The following EFNA5 variants were observed in gnomAD, a reference collection of about 807,000 sequenced individuals.
The protein encoded by EFNA5 is ephrin-A5.
Under a neutral mutation model 22.9 loss-of-function variants are expected in EFNA5, and 5 were observed. That is an observed-to-expected ratio of 0.22 (90% confidence interval 0.11 to 0.46). The LOEUF is 0.46. EFNA5 is among the 20% of genes least tolerant of loss of function. EFNA5 has a pLI of 0.99. For missense variants in EFNA5, 237 were observed against 293.3 expected, an observed-to-expected ratio of 0.81 and a Z score of 1.40; for synonymous variants, 113 against 112.2, an observed-to-expected ratio of 1.01 and a Z score of -0.04.
At chr5:107,616,939 G>A (rs1749929196) in intron 1 of EFNA5, among the ~76,000 whole-genome samples, 1 of 151,984 alleles carries the variant, frequency 6.6e-6, no homozygotes, top group East Asian at 1.9e-4. Flanking sequence ...CCAATCAGGG[G>A]ATCAATTTCT....
chr5:107,402,716 T>C (rs996933949), intron 2 of EFNA5, among the ~76,000 whole-genome samples: 1 of 152,200 alleles, frequency 6.6e-6, no homozygotes, highest in Admixed American at 6.5e-5. Flanking sequence ...ACATTTATTA[T>C]ACTGATACAT....
intron 1 of EFNA5, among the ~76,000 whole-genome samples, chr5:107,535,424 G>A (rs1279643692): frequency 6.6e-6 from 1 of 151,942 alleles, no homozygotes; most frequent in East Asian, 1.9e-4. Flanking sequence ...CCTTTACTAA[G>A]ACTATGATGA....
chr5:107,651,829 A>G (rs1295757704), intron 1 of EFNA5, among the ~76,000 whole-genome samples: 1 of 152,178 alleles, frequency 6.6e-6, no homozygotes, highest in Admixed American at 6.5e-5. Flanking sequence ...CCTAATTTGA[A>G]GATCTTCAAC....
chr5:107,645,902 A>G (rs1750625747), intron 1 of EFNA5, among the ~76,000 whole-genome samples: 1 of 152,230 alleles, frequency 6.6e-6, no homozygotes. Flanking sequence ...TGAAGCCGTC[A>G]CCTGTTTTGC....
chr5:107,456,657 C>T lies in EFNA5; in HGVS notation c.126-29148G>A, dbSNP rs79767349. On this transcript the variant is annotated intron_variant, in intron 1 of 4. Coordinates refer to ENST00000333274, the MANE Select transcript of EFNA5 (RefSeq NM_001962.3). The stretch of plus-strand genomic sequence containing the variant: ...ATGTCTCTACACTAGTTGAACAAAC[C>T]ACACTTGTCCCAGCAAATCATCTGG... Among the ~76,000 whole-genome samples, 974 of 152,234 alleles carry T rather than the reference C, an allele frequency of 6.4e-3. 11 individuals are homozygous for T. The highest frequency in any genetic ancestry group is 0.023 in the African/African-American group (938 of 41,552).
intron 2 of EFNA5, 145 bp downstream of exon 2, chr5:107,427,072 G>T (rs1580444191): frequency 9.7e-6 from 8 of 826,958 alleles, no homozygotes; most frequent in East Asian, 2.7e-5. Context: ...CCCAGCTAAT[G>T]TATCTAGGGA....
chr5:107,414,143 T>C (rs1748445402), intron 2 of EFNA5, among the ~76,000 whole-genome samples: 1 of 152,172 alleles, frequency 6.6e-6, no homozygotes, highest in Non-Finnish European at 1.5e-5. Context: ...ATTCCTACAT[T>C]GCAACCTCAT....
At chr5:107,591,918 ATATATATAATATATAAT>A (rs1749347729) in intron 1 of EFNA5, among the ~76,000 whole-genome samples, 2 of 6,830 alleles carry the variant, frequency 2.9e-4, no homozygotes, top group Non-Finnish European at 3.8e-4. Context: ...TATAAAAAAT[ATATATATAATATATAAT>A]ATATATATTA....
At chr5:107,668,442 T>A (rs1157710898) in intron 1 of EFNA5, among the ~76,000 whole-genome samples, 1 of 151,982 alleles carries the variant, frequency 6.6e-6, no homozygotes, top group Non-Finnish European at 1.5e-5. Context: ...TAACCTAAGA[T>A]AAAATGTCCT....
chr5:107,400,005 T>C (rs1748043197), intron 2 of EFNA5, among the ~76,000 whole-genome samples: 1 of 152,208 alleles, frequency 6.6e-6, no homozygotes, highest in Non-Finnish European at 1.5e-5. Context: ...GTGTACAGTT[T>C]TGGAACATTT....
chr5:107,395,458 A>G (rs1387645220), intron 2 of EFNA5, among the ~76,000 whole-genome samples: 2 of 152,228 alleles, frequency 1.3e-5, no homozygotes, highest in African/African-American at 4.8e-5. Context: ...CAGGCACAGA[A>G]AGCAAGATAA....
chr5:107,581,901 AG>A (rs1749081574), intron 1 of EFNA5, among the ~76,000 whole-genome samples: 6 of 152,236 alleles, frequency 3.9e-5, no homozygotes, highest in Admixed American at 3.3e-4. Context: ...TACACGTTGC[AG>A]GTTCTTCTTA....
chr5:107,386,087 G>T (rs1747611708), intron 4 of EFNA5, among the ~76,000 whole-genome samples: 1 of 137,262 alleles, frequency 7.3e-6, no homozygotes, highest in Non-Finnish European at 1.5e-5. Context: ...TTACAATATT[G>T]GAGGAAAAAG....
At chr5:107,493,744 C>G (rs1746879434) in intron 1 of EFNA5, among the ~76,000 whole-genome samples, 1 of 152,110 alleles carries the variant, frequency 6.6e-6, no homozygotes, top group South Asian at 2.1e-4. Context: ...TTTTCTAACT[C>G]TCTTGGCCAC....
At chr5:107,509,888 T>A (rs2112432982) in intron 1 of EFNA5, among the ~76,000 whole-genome samples, 1 of 152,334 alleles carries the variant, frequency 6.6e-6, no homozygotes, top group African/African-American at 2.4e-5. Flanking sequence ...GAATAATTCA[T>A]GGAAATGATT....
At chr5:107,399,135 G>A (rs1189778372) in intron 2 of EFNA5, among the ~76,000 whole-genome samples, 1 of 151,994 alleles carries the variant, frequency 6.6e-6, no homozygotes, top group Non-Finnish European at 1.5e-5. Context: ...CTGTAAGAGT[G>A]TGGGGTCCCA....
chr5:107,437,299 G>C (rs1185422170), intron 1 of EFNA5, among the ~76,000 whole-genome samples: 1 of 152,210 alleles, frequency 6.6e-6, no homozygotes. Context: ...CAAAACTGTA[G>C]ACAATAAAGC....
At chr5:107,581,664 A>C (rs976865791) in intron 1 of EFNA5, among the ~76,000 whole-genome samples, 1 of 152,178 alleles carries the variant, frequency 6.6e-6, no homozygotes, top group Non-Finnish European at 1.5e-5. Flanking sequence ...TTCAAGTTTC[A>C]TATGTTATAA....
intron 1 of EFNA5, among the ~76,000 whole-genome samples, chr5:107,531,954 G>C (rs1747819640): frequency 6.6e-6 from 1 of 152,142 alleles, no homozygotes; most frequent in African/African-American, 2.4e-5. Flanking sequence ...GAAATAAAAG[G>C]TAAAGTAGGT....
Sources: gnomAD v4.1 joint callset for allele counts (sites outside exome capture counted in the v4.1 genomes callset) on GRCh38, gnomAD v4.1.1 for gene constraint, MANE v1.5 for transcripts, NCBI Gene and HGNC (gene_info 2026-07-23, HGNC 2026-07-21) for gene names.